The following FRMD4B variants were observed in gnomAD, a reference collection of about 807,000 sequenced individuals.
FRMD4B encodes the protein FERM domain containing 4B.
Under a neutral mutation model 141.5 loss-of-function variants are expected in FRMD4B, and 74 were observed. The observed-to-expected ratio is 0.52, with a 90% confidence interval of 0.43 to 0.63. The LOEUF is 0.63. FRMD4B is among the 30% of genes least tolerant of loss of function. FRMD4B has a pLI of 0.00. For synonymous variants in FRMD4B, 506 were observed against 467.9 expected (o/e 1.08, Z -1.05); for missense variants, 1,366 against 1,253.4 (o/e 1.09, Z -1.36).
intron 3 of FRMD4B, among the ~76,000 whole-genome samples, chr3:69,305,747 C>T (rs1701372890): frequency 2.0e-5 from 3 of 152,116 alleles, no homozygotes; most frequent in Admixed American, 6.5e-5. Flanking sequence ...GAGAGAGACC[C>T]TGTCTCTGAA....
intron 5 of FRMD4B, among the ~76,000 whole-genome samples, chr3:69,255,035 T>C (rs1019826432): frequency 2.6e-5 from 4 of 152,302 alleles, no homozygotes; most frequent in East Asian, 3.9e-4. Flanking sequence ...AAGTGCAGCA[T>C]GCTATCCCAG....
chr3:69,245,347 G>T (rs1236174747), intron 7 of FRMD4B, among the ~76,000 whole-genome samples: 2,633 of 150,800 alleles, frequency 0.017, 77 homozygotes, highest in African/African-American at 0.062. Context: ...GTGTGTGTGT[G>T]TGTGTGTTTT....
intron 2 of FRMD4B, among the ~76,000 whole-genome samples, chr3:69,428,663 T>G (rs550086413): frequency 6.6e-6 from 1 of 152,112 alleles, no homozygotes; most frequent in Non-Finnish European, 1.5e-5. Context: ...TTCCTCTTCT[T>G]AACATTAAAA....
chr3:69,419,906 G>T (rs998619330), intron 2 of FRMD4B, among the ~76,000 whole-genome samples: 10 of 152,166 alleles, frequency 6.6e-5, no homozygotes, highest in Non-Finnish European at 1.2e-4. Context: ...GCCCAGGCTG[G>T]AGTGCAATGG....
chr3:69,505,426 T>G (rs754126563), intron 1 of FRMD4B, among the ~76,000 whole-genome samples: 42 of 152,132 alleles, frequency 2.8e-4, no homozygotes, highest in Middle Eastern at 6.8e-3. Context: ...ATAAACAGTA[T>G]TTACTTGTAT....
intron 1 of FRMD4B, among the ~76,000 whole-genome samples, chr3:69,484,502 G>A (rs1187986259): frequency 2.0e-5 from 3 of 152,102 alleles, no homozygotes; most frequent in Non-Finnish European, 4.4e-5. Flanking sequence ...AAGATGAAGA[G>A]GAGATTTATT....
At chr3:69,333,378 G>A (rs762747522) in intron 1 of FRMD4B, among the ~76,000 whole-genome samples, 2 of 152,146 alleles carry the variant, frequency 1.3e-5, no homozygotes, top group Non-Finnish European at 2.9e-5. Flanking sequence ...TGGTGCAGAC[G>A]GGGATGAAAC....
chr3:69,349,448 T>C (rs1703059373), intron 1 of FRMD4B, among the ~76,000 whole-genome samples: 1 of 152,206 alleles, frequency 6.6e-6, no homozygotes, highest in South Asian at 2.1e-4. Flanking sequence ...ACCAATGACT[T>C]TCTTCACAGA....
At chr3:69,373,747 C>T (rs1703894704) in intron 1 of FRMD4B, among the ~76,000 whole-genome samples, 1 of 151,952 alleles carries the variant, frequency 6.6e-6, no homozygotes, top group Non-Finnish European at 1.5e-5. Flanking sequence ...TGGTGGCGCG[C>T]CTGGAGTCTT....
chr3:69,207,811 A>C (rs9873461), intron 11 of FRMD4B, among the ~76,000 whole-genome samples: 117,118 of 151,308 alleles, frequency 0.77, 46,872 homozygotes, highest in Non-Finnish European at 0.88. Context: ...CGTCTCAAAA[A>C]AAAAAAAAAG....
At chr3:69,369,596 C>A (rs1183401150) in intron 1 of FRMD4B, among the ~76,000 whole-genome samples, 1 of 152,062 alleles carries the variant, frequency 6.6e-6, no homozygotes, top group African/African-American at 2.4e-5. Flanking sequence ...AGGAAAAACA[C>A]ATTCACTAAA....
chr3:69,207,353 G>A (rs1343612521), intron 11 of FRMD4B, among the ~76,000 whole-genome samples: 1 of 149,180 alleles, frequency 6.7e-6, no homozygotes, highest in African/African-American at 2.5e-5. Flanking sequence ...AATCTTTACT[G>A]TTTATGCCTC....
intron 7 of FRMD4B, among the ~76,000 whole-genome samples, chr3:69,229,291 G>T (rs1052835529): frequency 1.3e-5 from 2 of 152,060 alleles, no homozygotes; most frequent in African/African-American, 4.8e-5. Context: ...TTCCCAAAGT[G>T]CTAGGATTAC....
intron 7 of FRMD4B, among the ~76,000 whole-genome samples, chr3:69,245,282 A>G (rs1359370320): frequency 6.6e-6 from 1 of 151,386 alleles, no homozygotes; most frequent in Non-Finnish European, 1.5e-5. Context: ...CCACTACAAC[A>G]TTGCCTCATG....
intron 2 of FRMD4B, among the ~76,000 whole-genome samples, chr3:69,429,105 A>G (rs1705134465): frequency 6.6e-6 from 1 of 152,180 alleles, no homozygotes; most frequent in Admixed American, 6.6e-5. Context: ...CACTTTTTAA[A>G]GGTCAGAGTG....
At chr3:69,279,933 C>T (rs200818207) in intron 5 of FRMD4B, among the ~76,000 whole-genome samples, 4 of 152,088 alleles carry the variant, frequency 2.6e-5, no homozygotes, top group East Asian at 1.9e-4. Flanking sequence ...TTTATATACA[C>T]ATCAAAAGAG....
intron 1 of FRMD4B, among the ~76,000 whole-genome samples, chr3:69,435,600 A>G (rs1480452627): frequency 6.6e-6 from 1 of 152,220 alleles, no homozygotes; most frequent in African/African-American, 2.4e-5. Flanking sequence ...AGGGCTGAAA[A>G]TATACTCTAT....
rs1705101496 is a variant in FRMD4B, at chr3:69,427,390, T to C, written c.-1+5244A>G. 2.7e-5 allele frequency among the ~76,000 whole-genome samples: 4 copies of C among 149,920 alleles called. No homozygotes were observed. In the South Asian group the frequency reaches 8.3e-4, roughly 31 times the overall value. ...GAATTCCTGCAGAAGAGAAACTATT[T>C]AATGCCTTTTAATTCAGCATTTTCT... is the stretch of plus-strand genomic sequence containing the variant. On this transcript the variant is annotated intron_variant, in intron 2 of 5. Coordinates refer to the FRMD4B transcript ENST00000459638.
chr3:69,535,394 G>T (rs976732156), intron 1 of FRMD4B, among the ~76,000 whole-genome samples: 2 of 152,168 alleles, frequency 1.3e-5, no homozygotes, highest in Admixed American at 6.5e-5. Context: ...TTGAATGAGG[G>T]CACCCTCATG....
Sources: gnomAD v4.1 joint callset for allele counts (sites outside exome capture counted in the v4.1 genomes callset) on GRCh38, gnomAD v4.1.1 for gene constraint, MANE v1.5 for transcripts, NCBI Gene and HGNC (gene_info 2026-07-23, HGNC 2026-07-21) for gene names.